SEMA3D: variants seen among roughly 807,000 people sequenced by gnomAD.
The protein encoded by SEMA3D is semaphorin-3D.
A neutral mutation model predicts 100.1 loss-of-function variants in SEMA3D; 84 were observed. That is an observed-to-expected ratio of 0.84 (90% CI 0.70 to 1.01). The LOEUF (loss-of-function observed/expected upper bound fraction) is 1.01, where lower values mean the gene tolerates loss of function less well. SEMA3D is among the 50% of genes least tolerant of loss of function. SEMA3D has a pLI of 0.00. For missense variants in SEMA3D, 875 were observed against 934.1 expected (o/e 0.94, Z 0.82); for synonymous variants, 312 against 320.7 (o/e 0.97, Z 0.29).
intron 12 of SEMA3D, among the ~76,000 whole-genome samples, chr7:85,035,801 GA>G (rs144996998): frequency 0.018 from 2,721 of 151,348 alleles, 86 homozygotes; most frequent in African/African-American, 0.062. Flanking sequence ...CATATTGTTT[GA>G]AAAAAAACAT....
intron 1 of SEMA3D, among the ~76,000 whole-genome samples, chr7:85,181,345 C>CACAA (rs1791401627): frequency 7.8e-6 from 1 of 128,202 alleles, no homozygotes; most frequent in African/African-American, 3.7e-5. Flanking sequence ...CACACACACA[C>CACAA]ACACACACAC....
intron 2 of SEMA3D, among the ~76,000 whole-genome samples, chr7:85,137,019 G>A (rs896992180): frequency 4.6e-5 from 7 of 151,984 alleles, no homozygotes; most frequent in African/African-American, 1.7e-4. Context: ...TTTTAGCCAA[G>A]CAAAGTGTCT....
chr7:85,073,442 A>G (rs1267365541), intron 5 of SEMA3D, among the ~76,000 whole-genome samples: 1 of 151,580 alleles, frequency 6.6e-6, no homozygotes, highest in Admixed American at 6.6e-5. Context: ...TAGAGATGAC[A>G]CCTCTCTATG....
intron 2 of SEMA3D, among the ~76,000 whole-genome samples, chr7:85,135,667 A>C (rs755087134): frequency 1.3e-5 from 2 of 150,918 alleles, no homozygotes; most frequent in Non-Finnish European, 3.0e-5. Context: ...AAATAAATAA[A>C]TAAATAAATA....
Position 84,996,351 on chromosome 7 carries a change from T to A in SEMA3D, c.*3089A>T, listed in dbSNP as rs1789499596. 6.6e-6 allele frequency: 1 copy of A among 152,032 alleles called. No individual in the cohort carries two copies. The highest frequency in any genetic ancestry group is 6.6e-5 in the Admixed American group (1 of 15,262). 9.4% of individuals were successfully genotyped at this position (152,032 alleles called of 1,614,324 possible). ...AGCAAAATTCAAGAGTAAGACCATT[T>A]TGTAGCCAGCATATTGTAAAGAGCA... On this transcript the variant is annotated 3_prime_UTR_variant, in exon 19 of 19. Coordinates refer to ENST00000284136, the MANE Select transcript of SEMA3D (RefSeq NM_001384900.1).
chr7:85,007,179 T>G (rs942811521), intron 17 of SEMA3D, among the ~76,000 whole-genome samples: 3 of 151,956 alleles, frequency 2.0e-5, no homozygotes, highest in African/African-American at 7.2e-5. Flanking sequence ...CTATTTGCAC[T>G]TGATTTTAAA....
intron 9 of SEMA3D, among the ~76,000 whole-genome samples, chr7:85,043,175 T>C (rs943815507): frequency 2.6e-5 from 4 of 152,004 alleles, no homozygotes; most frequent in Non-Finnish European, 5.9e-5. Flanking sequence ...ATGGTCAACA[T>C]AGTGGGATCT....
the SEMA3D span, among the ~76,000 whole-genome samples, chr7:85,241,647 C>T: frequency 2.3e-4 from 35 of 150,650 alleles, no homozygotes; most frequent in African/African-American, 5.4e-4. Context: ...GAGGATGATA[C>T]GATGGACTTT....
At chr7:85,084,770 A>C (rs1054612228) in intron 4 of SEMA3D, among the ~76,000 whole-genome samples, 4 of 152,076 alleles carry the variant, frequency 2.6e-5, no homozygotes, top group African/African-American at 9.7e-5. Flanking sequence ...TCCACCCTCC[A>C]CACTCCAAAA....
intron 3 of SEMA3D, among the ~76,000 whole-genome samples, chr7:85,108,666 T>C (rs1267473057): frequency 6.6e-6 from 1 of 152,032 alleles, no homozygotes; most frequent in African/African-American, 2.4e-5. Flanking sequence ...TTGCCTGCAT[T>C]AAAGAGCTGA....
chr7:85,004,357 G>A (rs10480908), intron 18 of SEMA3D, among the ~76,000 whole-genome samples: 3,862 of 152,140 alleles, frequency 0.025, 180 homozygotes, highest in African/African-American at 0.088. Flanking sequence ...AATAATGCAA[G>A]TATTTGAAGA....
At chr7:85,135,503 C>T (rs969349047) in intron 2 of SEMA3D, among the ~76,000 whole-genome samples, 17 of 150,506 alleles carry the variant, frequency 1.1e-4, no homozygotes, top group East Asian at 3.9e-4. Context: ...CGGGGCCTGT[C>T]GTGAGGTGGG....
chr7:85,145,281 T>C (rs1244002532), intron 2 of SEMA3D, among the ~76,000 whole-genome samples: 5 of 151,840 alleles, frequency 3.3e-5, no homozygotes, highest in Non-Finnish European at 7.4e-5. Context: ...AAATATAAAG[T>C]GTAAGGTGAC....
At chr7:85,014,221 G>T (rs1790034577) in intron 16 of SEMA3D, among the ~76,000 whole-genome samples, 1 of 151,666 alleles carries the variant, frequency 6.6e-6, no homozygotes, top group African/African-American at 2.4e-5. Flanking sequence ...TTTAAAAACA[G>T]ACCTAAAAAT....
At chr7:85,247,245 C>T in the SEMA3D span, among the ~76,000 whole-genome samples, 1 of 151,928 alleles carries the variant, frequency 6.6e-6, no homozygotes, top group Non-Finnish European at 1.5e-5. Flanking sequence ...CTAAGCTTTT[C>T]CCCAGAAGTA....
intron 3 of SEMA3D, among the ~76,000 whole-genome samples, chr7:85,106,139 G>A (rs1359344583): frequency 6.6e-6 from 1 of 151,946 alleles, no homozygotes; most frequent in Admixed American, 6.6e-5. Context: ...TTCCAGAAAA[G>A]CAATGTCACG....
At chr7:85,149,625 G>T (rs1422704975) in intron 2 of SEMA3D, among the ~76,000 whole-genome samples, 1 of 152,236 alleles carries the variant, frequency 6.6e-6, no homozygotes, top group East Asian at 1.9e-4. Context: ...ATAATGGACT[G>T]AGAAAAATCA....
intron 17 of SEMA3D, among the ~76,000 whole-genome samples, chr7:85,012,320 TATTG>T (rs1278444294): frequency 6.6e-6 from 1 of 151,800 alleles, no homozygotes; most frequent in Non-Finnish European, 1.5e-5. Flanking sequence ...AATAAATATT[TATTG>T]ATTAAGTGAA....
upstream of SEMA3D, among the ~76,000 whole-genome samples, chr7:85,187,312 T>G (rs1477557843): frequency 6.6e-6 from 1 of 152,210 alleles, no homozygotes; most frequent in Non-Finnish European, 1.5e-5. Context: ...ACTTGGGGAC[T>G]TCTTTAGTTC....
Sources: gnomAD v4.1 joint callset for allele counts (sites outside exome capture counted in the v4.1 genomes callset) on GRCh38, gnomAD v4.1.1 for gene constraint, MANE v1.5 for transcripts, NCBI Gene and HGNC (gene_info 2026-07-23, HGNC 2026-07-21) for gene names.